Variants in LMX1B observed in about 807,000 individuals in gnomAD.
LMX1B encodes LIM homeobox transcription factor 1-beta.
Under a neutral mutation model 51.4 loss-of-function variants are expected in LMX1B, and 12 were observed. That is an observed-to-expected ratio of 0.23 (90% CI 0.15 to 0.38). The LOEUF (loss-of-function observed/expected upper bound fraction) is 0.38, where lower values mean the gene tolerates loss of function less well. LMX1B is among the 10% of genes least tolerant of loss of function. The probability of loss-of-function intolerance (pLI) is 1.00; values close to 1 mark genes in which losing one functional copy is unlikely to be tolerated. For missense variants in LMX1B, 445 were observed against 571.1 expected (o/e 0.78, Z 2.25); for synonymous variants, 237 against 235.4 (o/e 1.01, Z -0.06).
rs764059478 is a variant in LMX1B, at chr9:126,614,426, GGTCCGCA to G, written c.-22_-16del. 3.4e-6 allele frequency: 5 copies of G among 1,464,872 alleles called. No individual in the cohort carries two copies. In the South Asian group the frequency reaches 6.8e-5, roughly 20 times the overall value. 90.7% of individuals were successfully genotyped at this position (1,464,872 alleles called of 1,614,324 possible). A position where few individuals can be genotyped will look rare whatever the true frequency, so the allele number is the denominator to read the frequency against. Reference sequence around the variant, plus strand: ...GGCGGGCGAGCAGCCCGGCCGGCGGGGTCCGCAGCGCGCCCCGCGTCCCATGGATATA... The same window carrying G: ...GGCGGGCGAGCAGCCCGGCCGGCGGGGCGCGCCCCGCGTCCCATGGATATA... On this transcript the variant is annotated 5_prime_UTR_variant, in exon 1 of 8. Coordinates refer to ENST00000373474, the MANE Select transcript of LMX1B (RefSeq NM_001174147.2).
chr9:126,696,811 T>C lies in LMX1B; in HGVS notation c.*360T>C. On this transcript the variant is annotated 3_prime_UTR_variant, in exon 8 of 8. Coordinates refer to ENST00000373474, the MANE Select transcript of LMX1B (RefSeq NM_001174147.2). ...TTTTTAAATGTCCTCTCTGTGTCCA[T>C]GGCCCTCCATGCAAGCCCCAGGACA... 2.9e-6 allele frequency: 1 copy of C among 346,436 alleles called. No individual in the cohort carries two copies. The highest frequency in any genetic ancestry group is 4.3e-5 in the Admixed American group (1 of 23,460). The allele number at this position is 346,436 out of a possible 1,614,324, so 21.5% of individuals were successfully genotyped here.
At chr9:126,683,207 C>A (rs1488845459) in intron 2 of LMX1B, among the ~76,000 whole-genome samples, 1 of 150,906 alleles carries the variant, frequency 6.6e-6, no homozygotes, top group Non-Finnish European at 1.5e-5. Context: ...CTGGGAGAGG[C>A]CCCGCGAGGC....
rs189691069 is a variant in LMX1B, at chr9:126,697,451, T to G, written c.*1000T>G. On this transcript the variant is annotated 3_prime_UTR_variant, in exon 8 of 8. Transcript: ENST00000373474. ...ATGTGGTCCTCTCCCCAGCCACCTC[T>G]GCCTCCCCTCACATACCTCCAGTGA... is the stretch of plus-strand genomic sequence containing the variant. The G allele has an allele frequency of 1.1e-4, 17 of 152,752 alleles. No homozygotes were observed. Among genetic ancestry groups the G allele is most frequent in the East Asian group, 5.8e-4 (3 of 5,198 alleles). 9.5% of individuals were successfully genotyped at this position (152,752 alleles called of 1,614,324 possible).
chr9:126,663,861 A>G (rs993577896), intron 2 of LMX1B, among the ~76,000 whole-genome samples: 3 of 152,194 alleles, frequency 2.0e-5, no homozygotes, highest in Admixed American at 6.5e-5. Context: ...CAGGCCACCC[A>G]TGGGGCGGGG....
At position 126,695,900 on chromosome 9, in the gene LMX1B, G is replaced by T. The variant is rs779948246; in HGVS notation, c.948G>T (p.Gln316His). 1.9e-6 allele frequency: 3 copies of T among 1,613,386 alleles called. No homozygotes were observed. Among genetic ancestry groups the T allele is most frequent in the Non-Finnish European group, 2.5e-6 (3 of 1,179,816 alleles). ...MASYTPLAPP[Q>H]QQIVAMEQSP... Reference sequence around the variant, plus strand: ...CCTACACGCCGCTGGCCCCACCACAGCAGCAGATCGTGGCCATGGAACAGA... The same window carrying T: ...CCTACACGCCGCTGGCCCCACCACATCAGCAGATCGTGGCCATGGAACAGA... Residue 316 changes from glutamine (Q) to histidine (H), a missense_variant, in exon 7 of 8, where the codon CAG becomes CAT. Physicochemically the swap from Gln to His is conservative, Grantham distance 24. Around this residue, in one of 3 missense-constraint regions of LMX1B, gnomAD observed 162 missense variants for 187.8 expected, o/e 0.86. Coordinates refer to ENST00000373474, the MANE Select transcript of LMX1B (RefSeq NM_001174147.2). The surrounding 1 kb of genome is among the most constrained non-coding windows in gnomAD (Gnocchi z 5.2).
chr9:126,668,718 T>C (rs1177957004), intron 2 of LMX1B, among the ~76,000 whole-genome samples: 3 of 152,030 alleles, frequency 2.0e-5, no homozygotes, highest in Non-Finnish European at 2.9e-5. Flanking sequence ...CCTCCCAAAG[T>C]GCTAGGATTA....
intron 4 of LMX1B, 70 bp downstream of exon 4, chr9:126,693,393 C>CCTG: frequency 6.4e-7 from 1 of 1,552,136 alleles, no homozygotes; most frequent in Non-Finnish European, 8.8e-7. Context: ...GAGACCACCC[C>CCTG]CTGCTCCTGC....
chr9:126,630,961 C>T (rs543694399), intron 2 of LMX1B, among the ~76,000 whole-genome samples: 8 of 152,388 alleles, frequency 5.2e-5, no homozygotes, highest in Admixed American at 6.5e-5. Context: ...CTGAGTGTGT[C>T]ACTTTGAACT....
At chr9:126,693,053 C>G (rs1181757390) in intron 3 of LMX1B, 89 bp from the exon 4 acceptor site, 12 of 1,363,874 alleles carry the variant, frequency 8.8e-6, no homozygotes, top group Non-Finnish European at 1.2e-5. Context: ...GGACAGGCTC[C>G]CATCGGGCAG....
chr9:126,668,846 G>A (rs1406021854), intron 2 of LMX1B, among the ~76,000 whole-genome samples: 1 of 152,220 alleles, frequency 6.6e-6, no homozygotes. Context: ...GGCCCTCCTG[G>A]GTGGTGCTTG....
chr9:126,644,028 C>A (rs1256468501), intron 2 of LMX1B, among the ~76,000 whole-genome samples: 1 of 152,164 alleles, frequency 6.6e-6, no homozygotes, highest in Non-Finnish European at 1.5e-5. Flanking sequence ...GAGTCTCAGT[C>A]ACTGGCCCGC....
chr9:126,675,503 G>A lies in LMX1B; in HGVS notation c.327-15333G>A, dbSNP rs371128293. On this transcript the variant is annotated intron_variant, in intron 2 of 7. Transcript: ENST00000373474. Reference sequence around the variant, plus strand: ...GCACTTTGGGAGGCCGAGGCGGGCGGATCACAAGGTCAAGAGATCAAGACC... The same window carrying A: ...GCACTTTGGGAGGCCGAGGCGGGCGAATCACAAGGTCAAGAGATCAAGACC... Among the ~76,000 whole-genome samples the A allele has an allele frequency of 1.4e-4, 21 of 152,010 alleles. No homozygotes were observed. In the East Asian group the frequency reaches 2.7e-3, roughly 20 times the overall value.
At chr9:126,653,610 G>A (rs1045755014) in intron 2 of LMX1B, among the ~76,000 whole-genome samples, 3 of 152,186 alleles carry the variant, frequency 2.0e-5, no homozygotes, top group Non-Finnish European at 2.9e-5. Context: ...ACACAGTGCC[G>A]ACTGCACTTA....
intron 2 of LMX1B, among the ~76,000 whole-genome samples, chr9:126,651,513 C>T (rs1386449441): frequency 6.6e-6 from 1 of 152,068 alleles, no homozygotes; most frequent in Non-Finnish European, 1.5e-5. Flanking sequence ...AACGAAGGGC[C>T]TTGGAGCCCA....
At chr9:126,680,195 G>A (rs1472582508) in intron 2 of LMX1B, among the ~76,000 whole-genome samples, 1 of 152,238 alleles carries the variant, frequency 6.6e-6, no homozygotes, top group African/African-American at 2.4e-5. Flanking sequence ...CCGTGCTGAT[G>A]AAGCAAGTGC....
intron 2 of LMX1B, among the ~76,000 whole-genome samples, chr9:126,628,604 A>G (rs1250139503): frequency 6.6e-6 from 1 of 152,150 alleles, no homozygotes; most frequent in Non-Finnish European, 1.5e-5. Context: ...TTTCCCAGAG[A>G]TCTGAAGCGA....
chr9:126,680,531 ATG>A (rs1463685476), intron 2 of LMX1B, among the ~76,000 whole-genome samples: 1 of 152,190 alleles, frequency 6.6e-6, no homozygotes, highest in African/African-American at 2.4e-5. Context: ...ATAATAATGA[ATG>A]TTGGATTTGG....
At chr9:126,628,653 G>A (rs1003814781) in intron 2 of LMX1B, among the ~76,000 whole-genome samples, 1 of 152,202 alleles carries the variant, frequency 6.6e-6, no homozygotes, top group Admixed American at 6.5e-5. Flanking sequence ...TGTTCTGTTG[G>A]AGTATGGTTC....
intron 3 of LMX1B, among the ~76,000 whole-genome samples, chr9:126,692,749 G>A (rs554213842): frequency 5.0e-4 from 76 of 152,382 alleles, no homozygotes; most frequent in African/African-American, 1.8e-3. Context: ...ACAACCGTGC[G>A]TGCACCTGTC....
Sources: allele counts gnomAD v4.1 joint callset (sites outside exome capture counted in the v4.1 genomes callset), GRCh38; gene constraint gnomAD v4.1.1; regional missense constraint gnomAD v4.1.1; non-coding constraint Gnocchi (gnomAD v3.1); transcripts MANE v1.5; gene names NCBI Gene and HGNC (gene_info 2026-07-23, HGNC 2026-07-21).